GAS7: variants seen among roughly 807,000 people sequenced by gnomAD.
GAS7 encodes the protein growth arrest-specific protein 7.
Under a neutral mutation model 71.1 loss-of-function variants are expected in GAS7, and 28 were observed. The ratio of observed to expected loss-of-function variants is 0.39; its 90% CI spans 0.29 to 0.54. The LOEUF is 0.54. Ranked by LOEUF, GAS7 falls within the 20% of genes least tolerant of loss-of-function variation. The pLI is 0.62. For missense variants in GAS7, 436 were observed against 627.8 expected, an observed-to-expected ratio of 0.69 and a Z score of 3.27; for synonymous variants, 258 against 245.8, an observed-to-expected ratio of 1.05 and a Z score of -0.46.
rs2067535225 is a variant in GAS7 at position 9,914,725 on chromosome 17, CTTA to C, written c.*2500_*2502del. On this transcript the variant is annotated 3_prime_UTR_variant, in exon 14 of 14. Coordinates refer to ENST00000432992, the MANE Select transcript of GAS7 (RefSeq NM_201433.2). The stretch of plus-strand genomic sequence containing the variant: ...TTAAGTGTGGAGAGGGTACAATGTT[CTTA>C]TTATACTCTTCTCAGTCGACATGGA... 4.5e-6 allele frequency: 1 copy of C among 222,272 alleles called. No homozygotes were observed. Among genetic ancestry groups the C allele is most frequent in the African/African-American group, 2.2e-5 (1 of 44,852 alleles). The allele number at this position is 222,272 out of a possible 1,614,324, so 13.8% of individuals were successfully genotyped here.
chr17:9,982,967 C>G (rs765482778), intron 2 of GAS7, among the ~76,000 whole-genome samples: 14 of 152,156 alleles, frequency 9.2e-5, no homozygotes, highest in South Asian at 2.1e-4. Context: ...GCAGAGACTT[C>G]TTATGAAGTT....
At chr17:10,132,578 C>T (rs759551622) in intron 1 of GAS7, among the ~76,000 whole-genome samples, 2 of 152,102 alleles carry the variant, frequency 1.3e-5, no homozygotes, top group Non-Finnish European at 2.9e-5. Flanking sequence ...CTGGCCTGGC[C>T]AACAGGGCGA....
intron 1 of GAS7, among the ~76,000 whole-genome samples, chr17:10,077,932 G>T (rs2073412692): frequency 6.6e-6 from 1 of 152,196 alleles, no homozygotes; most frequent in Non-Finnish European, 1.5e-5. Context: ...TATCAGACTT[G>T]AAGAGCAACA....
At position 9,959,584 on chromosome 17, in the gene GAS7, G is replaced by A. The variant is rs1567824353; in HGVS notation, c.472-329C>T. On this transcript the variant is annotated intron_variant, in intron 4 of 13. Coordinates refer to ENST00000432992, the MANE Select transcript of GAS7 (RefSeq NM_201433.2). The surrounding 1 kb of genome is among the most constrained non-coding windows in gnomAD (Gnocchi z 5.0). ...TGCCCTCTGCTGGTGAACGTTCCGC[G>A]TGCCGCTTGCTGCCTGAAGCCGCGG... 6 of 649,790 alleles carry A rather than the reference G, an allele frequency of 9.2e-6. No homozygotes were observed. The highest frequency in any genetic ancestry group is 8.1e-5 in the South Asian group (2 of 24,714). The allele number at this position is 649,790 out of a possible 1,614,324, so 40.3% of individuals were successfully genotyped here.
In GAS7 at chr17:9,943,209, C is replaced by T. The variant is rs759708568; in HGVS notation, c.643G>A (p.Gly215Ser). Reference protein sequence around the residue: ...WADKKDPQGNGTVAGFELLLQ... With the variant: ...WADKKDPQGNSTVAGFELLLQ... ...AGTAGTTCAAACCCAGCCACGGTGC[C>T]GTTGCCTTGGGGGTCCTTCTTATCA... Residue 215 changes from glycine to serine, a missense_variant, in exon 7 of 14, where the codon GGC becomes AGC. Coordinates refer to ENST00000432992, the MANE Select transcript of GAS7 (RefSeq NM_201433.2). The T allele has an allele frequency of 6.8e-6, 11 of 1,611,698 alleles. No individual in the cohort carries two copies. Among genetic ancestry groups the T allele is most frequent in the Middle Eastern group, 1.7e-4 (1 of 6,058 alleles).
rs796090498 is a variant in GAS7, at chr17:9,923,344, C to T, written c.1138+2132G>A. Among the ~76,000 whole-genome samples the T allele has an allele frequency of 2.5e-4, 37 of 145,200 alleles. 2 individuals carry two copies. The highest frequency in any genetic ancestry group is 8.4e-4 in the African/African-American group (33 of 39,368). ...GCTTCTTATGGGAAATATCACTGTA[C>T]AGAAAAACAGCAAGAAAAAATAGAC... On this transcript the variant is annotated intron_variant, in intron 11 of 13. Transcript: ENST00000432992.
At chr17:10,143,385 A>T (rs551754832) in intron 1 of GAS7, among the ~76,000 whole-genome samples, 2 of 152,230 alleles carry the variant, frequency 1.3e-5, no homozygotes, top group Admixed American at 1.3e-4. Context: ...TACTAAAAAT[A>T]CAAAAAATTA....
At chr17:10,092,197 G>GGCT (rs1301257659) in intron 1 of GAS7, among the ~76,000 whole-genome samples, 1 of 152,060 alleles carries the variant, frequency 6.6e-6, no homozygotes, top group Non-Finnish European at 1.5e-5. Context: ...ACACCTACAA[G>GGCT]GCTGCTCCCT....
At chr17:10,062,293 T>A (rs1221085723) in intron 1 of GAS7, among the ~76,000 whole-genome samples, 1 of 152,226 alleles carries the variant, frequency 6.6e-6, no homozygotes. Context: ...AAGACCAGCC[T>A]GGCCAACGTG....
intron 1 of GAS7, among the ~76,000 whole-genome samples, chr17:10,058,438 C>T (rs185565812): frequency 1.5e-3 from 220 of 148,322 alleles, no homozygotes; most frequent in Non-Finnish European, 2.6e-3. Flanking sequence ...GGCTACAGAG[C>T]GAGACTCCGT....
intron 11 of GAS7, among the ~76,000 whole-genome samples, chr17:9,922,087 T>C (rs2067836798): frequency 6.6e-6 from 1 of 152,194 alleles, no homozygotes; most frequent in East Asian, 1.9e-4. Context: ...ATAACGATTG[T>C]ACCTTTACCA....
intron 1 of GAS7, among the ~76,000 whole-genome samples, chr17:10,063,603 A>G (rs1423034492): frequency 6.6e-6 from 1 of 152,216 alleles, no homozygotes; most frequent in African/African-American, 2.4e-5. Context: ...ACACTTAAAC[A>G]GCTAATAATG....
chr17:10,138,776 CA>C (rs1266018722), intron 1 of GAS7, among the ~76,000 whole-genome samples: 1 of 151,592 alleles, frequency 6.6e-6, no homozygotes, highest in Non-Finnish European at 1.5e-5. Flanking sequence ...CAAAAAAAAA[CA>C]AAAACAAAAC....
chr17:10,174,024 T>G (rs538167625), intron 1 of GAS7, among the ~76,000 whole-genome samples: 3 of 152,330 alleles, frequency 2.0e-5, no homozygotes, highest in South Asian at 4.1e-4. Flanking sequence ...CTGGCTGAAC[T>G]GTTCATTCCC....
chr17:9,997,566 G>A lies in GAS7; in HGVS notation c.305-15682C>T, dbSNP rs576132077. Among the ~76,000 whole-genome samples the A allele has an allele frequency of 1.9e-3, 282 of 152,200 alleles. 2 individuals carry two copies. The highest frequency in any genetic ancestry group is 5.7e-3 in the African/African-American group (237 of 41,520). ...CCATACTAGCCAGCAAGTCTCCAGC[G>A]GACACAAGCAGAGTGTCCTACAACT... is the stretch of plus-strand genomic sequence containing the variant. On this transcript the variant is annotated intron_variant, in intron 2 of 13. Coordinates refer to ENST00000432992, the MANE Select transcript of GAS7 (RefSeq NM_201433.2).
At chr17:10,168,485 C>A (rs1368096834) in intron 1 of GAS7, among the ~76,000 whole-genome samples, 3 of 152,146 alleles carry the variant, frequency 2.0e-5, no homozygotes, top group Admixed American at 6.6e-5. Flanking sequence ...ATCACTCCCC[C>A]ACTACCATGA....
At chr17:10,002,590 G>A (rs2071310136) in intron 2 of GAS7, among the ~76,000 whole-genome samples, 1 of 152,050 alleles carries the variant, frequency 6.6e-6, no homozygotes, top group Non-Finnish European at 1.5e-5. Context: ...GCCCGGGTGT[G>A]TGATGTTCCC....
At chr17:10,049,778 G>A (rs1485998412) in intron 1 of GAS7, among the ~76,000 whole-genome samples, 4 of 151,590 alleles carry the variant, frequency 2.6e-5, no homozygotes, top group African/African-American at 7.3e-5. Flanking sequence ...CTGCCACCAC[G>A]CCCAGCTAAT....
chr17:10,072,921 CAAG>C (rs1344773490), intron 1 of GAS7, among the ~76,000 whole-genome samples: 2 of 151,816 alleles, frequency 1.3e-5, no homozygotes, highest in African/African-American at 4.8e-5. Context: ...AACAAAAAAA[CAAG>C]AAAGTGGTGT....
Sources: gnomAD v4.1 joint callset for allele counts (sites outside exome capture counted in the v4.1 genomes callset) on GRCh38, gnomAD v4.1.1 for gene constraint, Gnocchi (gnomAD v3.1) non-coding constraint, MANE v1.5 for transcripts, NCBI Gene and HGNC (gene_info 2026-07-23, HGNC 2026-07-21) for gene names.